The following GPRC6A variants were observed in gnomAD, a reference collection of about 807,000 sequenced individuals.
The protein encoded by GPRC6A is G protein-coupled receptor family C group 6 member A.
GPRC6A carries 54 observed loss-of-function variants against 47.0 expected under a neutral mutation model. That is an observed-to-expected ratio of 1.15 (90% CI 0.92 to 1.44). GPRC6A has a LOEUF of 1.44. Among genes scored for constraint, GPRC6A ranks in the 40% most tolerant of loss-of-function variants. The pLI is 0.00. For missense variants in GPRC6A, 1,112 were observed against 1,105.5 expected (o/e 1.01, Z -0.08); for synonymous variants, 347 against 377.1 (o/e 0.92, Z 0.93).
intron 1 of GPRC6A, among the ~76,000 whole-genome samples, chr6:116,816,200 A>G (rs1294286868): frequency 6.6e-6 from 1 of 152,210 alleles, no homozygotes; most frequent in African/African-American, 2.4e-5. Flanking sequence ...AAAAGTCCGA[A>G]GTCCAAAGTC....
upstream of GPRC6A, chr6:116,829,105 C>T (rs1773767111): frequency 2.0e-6 from 3 of 1,485,188 alleles, no homozygotes; most frequent in African/African-American, 1.4e-5. Context: ...CTGTAAACAC[C>T]TTATAAGGTA....
chr6:116,828,673 G>A lies in GPRC6A; in HGVS notation c.194+147C>T, dbSNP rs958766895. On this transcript the variant is annotated intron_variant, in intron 1 of 5. Coordinates refer to ENST00000310357, the MANE Select transcript of GPRC6A (RefSeq NM_148963.4). The stretch of plus-strand genomic sequence containing the variant: ...GCTGTTATAGCTCTCTTTTAAAGAA[G>A]GATTGCAAGATTAACCATATGCAAC... 35 of 610,300 alleles carry A rather than the reference G, an allele frequency of 5.7e-5. No individual in the cohort carries two copies. In the African/African-American group the frequency reaches 6.1e-4, roughly 11 times the overall value. 37.8% of individuals were successfully genotyped at this position (610,300 alleles called of 1,614,324 possible).
rs768029323 is a variant in GPRC6A, at chr6:116,793,235, A to C, written c.1688T>G (p.Leu563Arg). The change falls in exon 6 of 6, where the codon CTT becomes CGT. Residue 563 changes from leucine to arginine, a missense_variant. Physicochemically the swap from Leu to Arg is moderately radical, Grantham distance 102. Transcript: ENST00000310357. ...YTNQTDMPHCLLCNNKTHWAP... is the reference protein window; with the variant it reads ...YTNQTDMPHCRLCNNKTHWAP... Reference sequence around the variant, plus strand: ...CCAGTGAGTTTTGTTGTTGCATAAAAGGCAGTGAGGCATATCTAAAAGACA... The same window carrying C: ...CCAGTGAGTTTTGTTGTTGCATAAACGGCAGTGAGGCATATCTAAAAGACA... The C allele has an allele frequency of 6.3e-7, 1 of 1,594,030 alleles. No homozygotes were observed. The highest frequency in any genetic ancestry group is 1.1e-5 in the South Asian group (1 of 87,094).
chr6:116,822,871 A>G (rs562597349), intron 1 of GPRC6A, among the ~76,000 whole-genome samples: 2 of 150,190 alleles, frequency 1.3e-5, no homozygotes, highest in African/African-American at 2.5e-5. Context: ...AATAAAAAAA[A>G]AGAAACAATT....
Position 116,800,705 on chromosome 6 carries a change from A to G in GPRC6A, c.1427T>C (p.Val476Ala), listed in dbSNP as rs112852465. 3 of 1,610,432 alleles carry G rather than the reference A, an allele frequency of 1.9e-6. No individual in the cohort carries two copies. The highest frequency in any genetic ancestry group is 2.5e-6 in the Non-Finnish European group (3 of 1,176,806). Residue 476 changes from valine to alanine, a missense_variant, in exon 4 of 6, where the codon GTT (valine) becomes GCT (alanine). Val to Ala is a moderately conservative substitution (Grantham distance 64). Coordinates refer to ENST00000310357, the MANE Select transcript of GPRC6A (RefSeq NM_148963.4). ...TCCATTGATCTCCTTCCAGAGCACA[A>G]CATCATATCCAGTATTTAAATCCCC... Reference protein sequence around the residue: ...AHGDLNTGYDVVLWKEINGHM... With the variant: ...AHGDLNTGYDAVLWKEINGHM...
In GPRC6A at chr6:116,806,819, T is replaced by G. The variant is rs1772857910; in HGVS notation, c.886A>C (p.Asn296His). The G allele has an allele frequency of 6.2e-7, 1 of 1,613,356 alleles. No homozygotes were observed. The highest frequency in any genetic ancestry group is 1.3e-5 in the African/African-American group (1 of 74,848). The change falls in exon 3 of 6, where the codon AAT becomes CAT. Residue 296 changes from asparagine to histidine, a missense_variant. Coordinates refer to ENST00000310357, the MANE Select transcript of GPRC6A (RefSeq NM_148963.4). ...LFNKAIEMNINKMWIASDNWS... is the reference protein window; with the variant it reads ...LFNKAIEMNIHKMWIASDNWS... ...TTATCACTAGCAATCCACATCTTATTTATATTCATTTCAATGGCTTTATTG... is the reference window on the plus strand; with the variant it reads ...TTATCACTAGCAATCCACATCTTATGTATATTCATTTCAATGGCTTTATTG...
intron 1 of GPRC6A, among the ~76,000 whole-genome samples, chr6:116,822,891 T>TAAAAAAAA (rs757893318): frequency 4.5e-4 from 53 of 117,348 alleles, no homozygotes; most frequent in East Asian, 1.5e-3. Context: ...TACTAGTCTC[T>TAAAAAAAA]AAAAAAAAAA....
intron 2 of GPRC6A, among the ~76,000 whole-genome samples, chr6:116,808,022 G>T (rs1371875196): frequency 6.7e-6 from 1 of 149,192 alleles, no homozygotes; most frequent in Non-Finnish European, 1.5e-5. Flanking sequence ...ACTACTTACA[G>T]CTGCCATGTG....
At chr6:116,820,445 T>C (rs1021088322) in intron 1 of GPRC6A, among the ~76,000 whole-genome samples, 2 of 152,002 alleles carry the variant, frequency 1.3e-5, no homozygotes, top group Non-Finnish European at 2.9e-5. Context: ...TGAACATGGA[T>C]GCAAAAATCC....
intron 1 of GPRC6A, among the ~76,000 whole-genome samples, chr6:116,819,489 A>G (rs1457667463): frequency 6.6e-6 from 1 of 152,172 alleles, no homozygotes; most frequent in African/African-American, 2.4e-5. Flanking sequence ...GTAAAAGAAG[A>G]GAGATTATAA....
At position 116,793,177 on chromosome 6, in the gene GPRC6A, CT is replaced by C. The variant is rs745572563; in HGVS notation, c.1745del (p.Lys582ArgfsTer17). On this transcript the variant is annotated frameshift_variant, in exon 6 of 6. Coordinates refer to ENST00000310357, the MANE Select transcript of GPRC6A (RefSeq NM_148963.4). LOFTEE classifies it low-confidence loss of function (END_TRUNC). ...CATTCCAGTTGAGATATTCCACTTC[CT>C]TTTCAAAGCACATAGTGCTCCTAAC... is the stretch of plus-strand genomic sequence containing the variant. ...APVRSTMCFE[K>X]EVEYLNWNDS... The C allele has an allele frequency of 3.1e-6, 5 of 1,613,076 alleles. No homozygotes were observed. Among genetic ancestry groups the C allele is most frequent in the African/African-American group, 1.3e-5 (1 of 74,996 alleles).
At chr6:116,817,627 C>T (rs1401224766) in intron 1 of GPRC6A, among the ~76,000 whole-genome samples, 2 of 152,158 alleles carry the variant, frequency 1.3e-5, no homozygotes, top group South Asian at 4.1e-4. Flanking sequence ...AAGTTGAAAA[C>T]TTTGAAAAAA....
chr6:116,814,949 A>G (rs934387255), intron 1 of GPRC6A, among the ~76,000 whole-genome samples: 4 of 152,178 alleles, frequency 2.6e-5, no homozygotes, highest in African/African-American at 9.7e-5. Flanking sequence ...CAGATAAAAC[A>G]CACTGTAAGC....
chr6:116,819,347 A>C (rs1040584057), intron 1 of GPRC6A, among the ~76,000 whole-genome samples: 3 of 151,234 alleles, frequency 2.0e-5, no homozygotes, highest in Admixed American at 2.0e-4. Flanking sequence ...TCAGCTCTGC[A>C]CCAAGTGGAC....
At chr6:116,810,641 T>A (rs572117049) in intron 1 of GPRC6A, among the ~76,000 whole-genome samples, 5 of 151,584 alleles carry the variant, frequency 3.3e-5, no homozygotes, top group Admixed American at 3.3e-4. Context: ...TGACAAATAG[T>A]AATATTCAAA....
chr6:116,818,007 T>C (rs1304688779), intron 1 of GPRC6A, among the ~76,000 whole-genome samples: 1 of 152,040 alleles, frequency 6.6e-6, no homozygotes, highest in Non-Finnish European at 1.5e-5. Flanking sequence ...CAGGCCAATG[T>C]TCAGATTCAG....
At chr6:116,802,237 A>C (rs1171532180) in intron 3 of GPRC6A, among the ~76,000 whole-genome samples, 1 of 152,154 alleles carries the variant, frequency 6.6e-6, no homozygotes, top group African/African-American at 2.4e-5. Context: ...CAAATACAAC[A>C]GTATTTTCAT....
rs767837654 is a variant in GPRC6A at position 116,806,746 on chromosome 6, A to G, written c.959T>C (p.Ile320Thr). Residue 320 changes from isoleucine (I) to threonine (T), a missense_variant, in exon 3 of 6, where the codon ATT becomes ACT. By Grantham distance (89) the Ile-to-Thr change is moderately conservative (BLOSUM62 -1). Coordinates refer to ENST00000310357, the MANE Select transcript of GPRC6A (RefSeq NM_148963.4). ...AAAGGCAAACCCTACAACTTTGCCA[A>G]TCTTTTTAACATTAGGAATGGTGGT... Reference protein sequence around the residue: ...KITTIPNVKKIGKVVGFAFRR... With the variant: ...KITTIPNVKKTGKVVGFAFRR... 5.6e-6 allele frequency: 9 copies of G among 1,613,550 alleles called. No homozygotes were observed. The highest frequency in any genetic ancestry group is 4.5e-5 in the East Asian group (2 of 44,902).
At chr6:116,811,261 C>A (rs1773014192) in intron 1 of GPRC6A, among the ~76,000 whole-genome samples, 1 of 152,112 alleles carries the variant, frequency 6.6e-6, no homozygotes, top group Non-Finnish European at 1.5e-5. Context: ...CCAAAGGACC[C>A]TGCCCAACCA....
Sources: gnomAD v4.1 joint callset for allele counts (sites outside exome capture counted in the v4.1 genomes callset) on GRCh38, gnomAD v4.1.1 for gene constraint, MANE v1.5 for transcripts, NCBI Gene and HGNC (gene_info 2026-07-23, HGNC 2026-07-21) for gene names.